Variants in ZFP82 observed in about 807,000 individuals in gnomAD.
The protein encoded by ZFP82 is ZFP82 zinc finger protein.
Under a neutral mutation model 54.0 loss-of-function variants are expected in ZFP82, and 30 were observed. The ratio of observed to expected loss-of-function variants is 0.56; its 90% confidence interval spans 0.42 to 0.75. The LOEUF (loss-of-function observed/expected upper bound fraction) is 0.75, where lower values mean the gene tolerates loss of function less well. Among genes scored for constraint, ZFP82 ranks in the 30% least tolerant of loss-of-function variants. ZFP82 has a pLI of 0.00. For synonymous variants in ZFP82, 194 were observed against 209.5 expected (o/e 0.93, Z 0.64); for missense variants, 500 against 636.8 (o/e 0.79, Z 2.31).
chr19:36,412,000 A>G (rs1429742230), intron 1 of ZFP82, among the ~76,000 whole-genome samples: 2 of 152,150 alleles, frequency 1.3e-5, no homozygotes, highest in African/African-American at 2.4e-5. Context: ...CAGTTTGTTG[A>G]GTGAGGAGTG....
rs2032234242 is a variant in ZFP82 at position 36,393,232 on chromosome 19, C to G, written c.1108G>C (p.Glu370Gln). 4.3e-6 allele frequency: 7 copies of G among 1,613,972 alleles called. No homozygotes were observed. The highest frequency in any genetic ancestry group is 5.9e-6 in the Non-Finnish European group (7 of 1,179,998). The part of the protein sequence containing the change: ...HTGEKPYECK[E>Q]CGKTFSRGYH... ...CCACGGCTAAAGGTCTTTCCACATT[C>G]CTTACATTCATAGGGTTTCTCACCA... The change falls in exon 5 of 5, where the codon GAA becomes CAA. Residue 370 changes from glutamate to glutamine, a missense_variant. Coordinates refer to ENST00000392161, the MANE Select transcript of ZFP82 (RefSeq NM_133466.4).
chr19:36,400,011 T>C (rs2032356871), intron 4 of ZFP82, among the ~76,000 whole-genome samples: 1 of 152,194 alleles, frequency 6.6e-6, no homozygotes, highest in Admixed American at 6.5e-5. Context: ...CAAACAGACA[T>C]ACATTTGAAT....
intron 1 of ZFP82, among the ~76,000 whole-genome samples, chr19:36,415,348 G>C (rs1477772654): frequency 6.6e-6 from 1 of 152,080 alleles, no homozygotes; most frequent in African/African-American, 2.4e-5. Context: ...GAGAAAATCT[G>C]TTCTGAATAG....
At chr19:36,402,468 CAAAA>C (rs377338348) in intron 4 of ZFP82, among the ~76,000 whole-genome samples, 7 of 57,444 alleles carry the variant, frequency 1.2e-4, no homozygotes, top group Admixed American at 2.8e-4. Context: ...GACTCCATCT[CAAAA>C]AAAAAAAAAA....
intron 4 of ZFP82, among the ~76,000 whole-genome samples, chr19:36,399,891 A>G (rs1246421306): frequency 5.9e-5 from 9 of 152,246 alleles, no homozygotes; most frequent in Non-Finnish European, 1.3e-4. Context: ...TACTTTAAAA[A>G]TAAATAAAAC....
chr19:36,386,412 T>C (rs769784099), downstream of ZFP82, among the ~76,000 whole-genome samples: 4 of 152,210 alleles, frequency 2.6e-5, no homozygotes, highest in African/African-American at 7.2e-5. Context: ...GATTTGTCCA[T>C]GAGCAGAACC....
Position 36,408,032 on chromosome 19 carries a change from C to T in ZFP82, c.10-19G>A. 1 of 1,607,420 alleles carries T rather than the reference C, an allele frequency of 6.2e-7. No homozygotes were observed. Among genetic ancestry groups the T allele is most frequent in the Non-Finnish European group, 8.5e-7 (1 of 1,176,050 alleles). Reference sequence around the variant, plus strand: ...CTGATCGCTGAAATGACAAACCACACATTATAAATGAAATGGAAGAAAATG... The same window carrying T: ...CTGATCGCTGAAATGACAAACCACATATTATAAATGAAATGGAAGAAAATG... On this transcript the variant is annotated intron_variant, in intron 2 of 4. Transcript: ENST00000392161.
At chr19:36,411,825 A>G (rs974603364) in intron 1 of ZFP82, among the ~76,000 whole-genome samples, 1 of 149,540 alleles carries the variant, frequency 6.7e-6, no homozygotes, top group African/African-American at 2.5e-5. Flanking sequence ...GGATCATGCC[A>G]CTGCACTCCA....
In ZFP82 at chr19:36,417,257, G is replaced by A. The variant is rs188490139; in HGVS notation, c.-79+1235C>T. ...TCACTACTTAAGAATACATAACTAA[G>A]GTTTATTAAGTACTAACGAGGTCTC... On this transcript the variant is annotated intron_variant, in intron 1 of 4. Transcript: ENST00000392161. Among the ~76,000 whole-genome samples, 154 of 151,968 alleles carry A rather than the reference G, an allele frequency of 1.0e-3. 1 individual carries two copies. Among genetic ancestry groups the A allele is most frequent in the African/African-American group, 3.5e-3 (145 of 41,446 alleles).
chr19:36,392,415 A>T lies in ZFP82; in HGVS notation c.*326T>A. ...GATGTAGATTCCACCTCTTGATTGA[A>T]AGTGTGTCAAACTGCTGCACTCTTA... On this transcript the variant is annotated 3_prime_UTR_variant, in exon 5 of 5. Transcript: ENST00000392161. 1 of 210,000 alleles carries T rather than the reference A, an allele frequency of 4.8e-6. No individual in the cohort carries two copies. The highest frequency in any genetic ancestry group is 9.5e-6 in the Non-Finnish European group (1 of 105,048). 13.0% of individuals were successfully genotyped at this position (210,000 alleles called of 1,614,324 possible). A position where few individuals can be genotyped will look rare whatever the true frequency, so the allele number is the denominator to read the frequency against.
Position 36,393,765 on chromosome 19 carries a change from T to A in ZFP82, c.575A>T (p.His192Leu). ...RQQLTFHHRI[H>L]TGEKPYECKE... ...ACATTCATACGGTTTTTCACCAGTATGAATTCTGTGATGAAAAGTAAGCTG... is the reference window on the plus strand; with the variant it reads ...ACATTCATACGGTTTTTCACCAGTAAGAATTCTGTGATGAAAAGTAAGCTG... The change falls in exon 5 of 5, where the codon CAT (histidine) becomes CTT (leucine). Residue 192 changes from histidine to leucine, a missense_variant. Transcript: ENST00000392161. 6.2e-7 allele frequency: 1 copy of A among 1,614,126 alleles called. No homozygotes were observed. Among genetic ancestry groups the A allele is most frequent in the Non-Finnish European group, 8.5e-7 (1 of 1,180,028 alleles).
intron 4 of ZFP82, among the ~76,000 whole-genome samples, chr19:36,402,427 C>T (rs1238023673): frequency 7.1e-6 from 1 of 140,614 alleles, no homozygotes; most frequent in Non-Finnish European, 1.5e-5. Context: ...TGAGATCACG[C>T]CACTGCACTC....
chr19:36,383,333 C>T (rs1375458737), exon 2 of ZFP82: 1 of 152,022 alleles, frequency 6.6e-6, no homozygotes, highest in Non-Finnish European at 1.5e-5. Flanking sequence ...CAACTTGTCA[C>T]ATTAACAAAC....
At chr19:36,388,198 TTTAA>T (rs1171775573), downstream of ZFP82, among the ~76,000 whole-genome samples, 1 of 152,148 alleles carries the variant, frequency 6.6e-6, no homozygotes, top group African/African-American at 2.4e-5. Context: ...TTATAATTGT[TTTAA>T]TTGACTATTG....
At chr19:36,408,714 A>G (rs1445250981) in intron 2 of ZFP82, among the ~76,000 whole-genome samples, 2 of 151,670 alleles carry the variant, frequency 1.3e-5, no homozygotes, top group Non-Finnish European at 2.9e-5. Flanking sequence ...GCTACTCAGG[A>G]GGCTAAGGCA....
chr19:36,414,769 T>G (rs2032640631), intron 1 of ZFP82, among the ~76,000 whole-genome samples: 1 of 151,736 alleles, frequency 6.6e-6, no homozygotes, highest in Admixed American at 6.6e-5. Context: ...GGGACACCAT[T>G]CCATATCATA....
intron 1 of ZFP82, among the ~76,000 whole-genome samples, chr19:36,412,661 G>C (rs757527979): frequency 3.3e-5 from 5 of 152,188 alleles, no homozygotes; most frequent in Non-Finnish European, 7.3e-5. Flanking sequence ...GGCCCACCTA[G>C]GAGCTGCTGA....
At chr19:36,404,473 C>T (rs968992733) in intron 4 of ZFP82, among the ~76,000 whole-genome samples, 4 of 152,212 alleles carry the variant, frequency 2.6e-5, no homozygotes, top group African/African-American at 4.8e-5. Context: ...TCTTGATAAA[C>T]GACTTCCAGC....
chr19:36,408,515 G>C (rs2145595600), intron 2 of ZFP82, among the ~76,000 whole-genome samples: 1 of 152,068 alleles, frequency 6.6e-6, no homozygotes, highest in East Asian at 1.9e-4. Context: ...TTCTAATTAT[G>C]ACTGTTAAAA....
Sources: allele counts gnomAD v4.1 joint callset (sites outside exome capture counted in the v4.1 genomes callset), GRCh38; gene constraint gnomAD v4.1.1; transcripts MANE v1.5; gene names NCBI Gene and HGNC (gene_info 2026-07-23, HGNC 2026-07-21).